Variants in SVOPL observed in about 807,000 individuals in gnomAD.
SVOPL encodes putative transporter SVOPL.
SVOPL carries 60 observed loss-of-function variants against 61.0 expected under a neutral mutation model. That is an observed-to-expected ratio of 0.98 (90% CI 0.80 to 1.22). The LOEUF (loss-of-function observed/expected upper bound fraction) is 1.22, where lower values mean the gene tolerates loss of function less well. SVOPL is among the 50% of genes most tolerant of loss of function. SVOPL has a pLI of 0.00. For missense variants in SVOPL, 662 were observed against 643.9 expected, an observed-to-expected ratio of 1.03 and a Z score of -0.30; for synonymous variants, 279 against 250.0, an observed-to-expected ratio of 1.12 and a Z score of -1.09.
intron 1 of SVOPL, among the ~76,000 whole-genome samples, chr7:138,698,333 GT>G (rs1803117573): frequency 6.6e-6 from 1 of 152,152 alleles, no homozygotes; most frequent in African/African-American, 2.4e-5. Flanking sequence ...TACCTTGCTG[GT>G]GGCAGTGGCC....
At chr7:138,670,985 A>G (rs1478873861) in intron 4 of SVOPL, among the ~76,000 whole-genome samples, 1 of 152,228 alleles carries the variant, frequency 6.6e-6, no homozygotes, top group African/African-American at 2.4e-5. Flanking sequence ...CCATTTAATC[A>G]GAAATATATA....
At chr7:138,648,689 C>T (rs1167463665) in intron 8 of SVOPL, among the ~76,000 whole-genome samples, 3 of 151,210 alleles carry the variant, frequency 2.0e-5, no homozygotes, top group East Asian at 2.0e-4. Flanking sequence ...GCCTGGGGGA[C>T]GCTGCACTCC....
At chr7:138,641,391 C>T (rs1800774862) in intron 9 of SVOPL, among the ~76,000 whole-genome samples, 1 of 152,074 alleles carries the variant, frequency 6.6e-6, no homozygotes, top group Admixed American at 6.6e-5. Flanking sequence ...ACAGCCTCAG[C>T]TGGGCGCGGG....
At chr7:138,612,405 TAAAAAAAAAAA>T (rs1158818070) in intron 14 of SVOPL, among the ~76,000 whole-genome samples, 3 of 9,334 alleles carry the variant, frequency 3.2e-4, no homozygotes, top group Admixed American at 9.5e-4. Context: ...AAAAATAAAT[TAAAAAAAAAAA>T]AAAAAAATAA....
At chr7:138,691,040 G>T (rs1476608424) in intron 1 of SVOPL, among the ~76,000 whole-genome samples, 1 of 152,202 alleles carries the variant, frequency 6.6e-6, no homozygotes, top group African/African-American at 2.4e-5. Flanking sequence ...CTCCCAAAGT[G>T]CTGGGCTTAT....
chr7:138,699,245 A>G (rs952260064), intron 1 of SVOPL, among the ~76,000 whole-genome samples: 1 of 152,162 alleles, frequency 6.6e-6, no homozygotes, highest in African/African-American at 2.4e-5. Context: ...CGGAGGTTAC[A>G]GTGAGCTGAG....
intron 14 of SVOPL, among the ~76,000 whole-genome samples, chr7:138,597,902 G>A (rs181150639): frequency 3.3e-5 from 5 of 152,202 alleles, no homozygotes; most frequent in South Asian, 2.1e-4. Flanking sequence ...TGTGAGACCC[G>A]GATGGGTTGA....
At chr7:138,611,860 A>G (rs1305881510) in intron 14 of SVOPL, among the ~76,000 whole-genome samples, 6 of 76,804 alleles carry the variant, frequency 7.8e-5, no homozygotes, top group Non-Finnish European at 1.3e-4. Flanking sequence ...CCGAGATTGC[A>G]GCCTCTGCCC....
Position 138,663,090 on chromosome 7 carries a change from C to T in SVOPL, c.329G>A (p.Arg110Lys), listed in dbSNP as rs1802069577. 1 of 1,614,080 alleles carries T rather than the reference C, an allele frequency of 6.2e-7. No homozygotes were observed. The highest frequency in any genetic ancestry group is 8.5e-7 in the Non-Finnish European group (1 of 1,180,042). The change falls in exon 5 of 16, where the codon AGA (arginine) becomes AAA (lysine). Residue 110 changes from arginine (R) to lysine (K), a missense_variant. Coordinates refer to ENST00000674285, the MANE Select transcript of SVOPL (RefSeq NM_001139456.2). ...FSILFGLLAD[R>K]YGRWKILLIS... ...CCCACCTACCTTCCAGCGGCCATATCTGTCAGCCAGGAGGCCAAAGAGGAT... is the reference window on the plus strand; with the variant it reads ...CCCACCTACCTTCCAGCGGCCATATTTGTCAGCCAGGAGGCCAAAGAGGAT...
At chr7:138,644,433 C>G (rs1800989897) in intron 9 of SVOPL, among the ~76,000 whole-genome samples, 2 of 152,070 alleles carry the variant, frequency 1.3e-5, no homozygotes. Flanking sequence ...AAAAAGAAAA[C>G]AATCTCCCAT....
At chr7:138,666,656 C>A (rs1235627264) in intron 4 of SVOPL, among the ~76,000 whole-genome samples, 1 of 152,194 alleles carries the variant, frequency 6.6e-6, no homozygotes, top group Non-Finnish European at 1.5e-5. Flanking sequence ...GACCTCAGGT[C>A]AGTTTCAGCA....
At chr7:138,694,076 C>G (rs947149524) in intron 1 of SVOPL, among the ~76,000 whole-genome samples, 1 of 152,226 alleles carries the variant, frequency 6.6e-6, no homozygotes, top group Non-Finnish European at 1.5e-5. Context: ...GAAATAGGCA[C>G]TCGAACTATT....
rs139198233 is a variant in SVOPL, at chr7:138,595,286, T to C, written c.1468-665A>G. ...GCTGTATTGGTGTCAGTCAGGTGGT[T>C]TCATATGGTAACCACTCACAACACT... On this transcript the variant is annotated intron_variant, in intron 15 of 15. Transcript: ENST00000674285. Among the ~76,000 whole-genome samples, 57 of 152,296 alleles carry C rather than the reference T, an allele frequency of 3.7e-4. No homozygotes were observed. The East Asian group carries it at 6.9e-3, about 19-fold the overall frequency.
At chr7:138,614,495 A>G (rs886839587) in intron 14 of SVOPL, among the ~76,000 whole-genome samples, 1 of 151,124 alleles carries the variant, frequency 6.6e-6, no homozygotes, top group Admixed American at 6.6e-5. Context: ...TCCTGGGTTC[A>G]AGTGACTCTC....
chr7:138,600,667 G>A (rs150613870), intron 14 of SVOPL, among the ~76,000 whole-genome samples: 41 of 152,174 alleles, frequency 2.7e-4, no homozygotes, highest in African/African-American at 9.1e-4. Context: ...GTTTAACAAT[G>A]TGTTTATAGA....
chr7:138,596,828 C>A, intron 14 of SVOPL: 1 of 1,112,648 alleles, frequency 9.0e-7, no homozygotes, highest in Non-Finnish European at 1.1e-6. Context: ...GATGGGGGAT[C>A]TGCCCGTTTC....
At chr7:138,666,491 C>T (rs892561461) in intron 4 of SVOPL, among the ~76,000 whole-genome samples, 6 of 152,260 alleles carry the variant, frequency 3.9e-5, no homozygotes, top group South Asian at 4.1e-4. Flanking sequence ...AAGAAACAAA[C>T]GTTATCTCCA....
chr7:138,594,412 G>C lies in SVOPL; in HGVS notation c.*198C>G, dbSNP rs781186832. ...AAAGCTTAAATTATATTTTATAAAA[G>C]TACTTTATATATTGTTCCTCAAGGA... On this transcript the variant is annotated 3_prime_UTR_variant, in exon 16 of 16. Transcript: ENST00000674285. 2 of 372,118 alleles carry C rather than the reference G, an allele frequency of 5.4e-6. No individual in the cohort carries two copies. Among genetic ancestry groups the C allele is most frequent in the Non-Finnish European group, 9.5e-6 (2 of 209,518 alleles). The allele number at this position is 372,118 out of a possible 1,614,324, so 23.1% of individuals were successfully genotyped here.
chr7:138,606,749 T>C (rs192287319), intron 14 of SVOPL, among the ~76,000 whole-genome samples: 2 of 151,826 alleles, frequency 1.3e-5, no homozygotes, highest in African/African-American at 4.8e-5. Flanking sequence ...AGGTCAGGAG[T>C]TCAAGACCAG....
Sources: allele counts gnomAD v4.1 joint callset (sites outside exome capture counted in the v4.1 genomes callset), GRCh38; gene constraint gnomAD v4.1.1; transcripts MANE v1.5; gene names NCBI Gene and HGNC (gene_info 2026-07-23, HGNC 2026-07-21).